Variants in INTS6 observed in about 807,000 individuals in gnomAD.
The protein encoded by INTS6 is DEAD box protein.
Under a neutral mutation model 104.9 loss-of-function variants are expected in INTS6, and 16 were observed. That is an observed-to-expected ratio of 0.15 (90% CI 0.10 to 0.23). The LOEUF (loss-of-function observed/expected upper bound fraction) is 0.23. Among genes scored for constraint, INTS6 ranks in the 10% least tolerant of loss-of-function variants. The pLI is 1.00. For synonymous variants in INTS6, 324 were observed against 358.7 expected, an observed-to-expected ratio of 0.90 and a Z score of 1.09; for missense variants, 584 against 1,062.8, an observed-to-expected ratio of 0.55 and a Z score of 6.26.
chr13:51,353,182 T>C (rs781338008), downstream of INTS6, among the ~76,000 whole-genome samples: 15 of 152,320 alleles, frequency 9.8e-5, no homozygotes, highest in Admixed American at 3.3e-4. Flanking sequence ...TTTATAGTCA[T>C]ATCTCACTTT....
At chr13:51,387,645 A>C (rs538559854) in intron 6 of INTS6, 105 bp from the exon 7 acceptor site, 1 of 893,760 alleles carries the variant, frequency 1.1e-6, no homozygotes, top group East Asian at 2.9e-5. Flanking sequence ...AAAATTCCTA[A>C]TATCTTTTTC....
At chr13:51,375,246 G>C (rs1366548144) in intron 13 of INTS6, among the ~76,000 whole-genome samples, 2 of 151,710 alleles carry the variant, frequency 1.3e-5, no homozygotes, top group Non-Finnish European at 1.5e-5. Flanking sequence ...CCAGCTACTA[G>C]GGAGGCTAAG....
intron 4 of INTS6, among the ~76,000 whole-genome samples, chr13:51,405,326 G>A (rs766878545): frequency 3.9e-5 from 6 of 152,094 alleles, no homozygotes; most frequent in Non-Finnish European, 2.9e-5. Flanking sequence ...GAGAAATAAC[G>A]TCCAGGGAAA....
chr13:51,346,940 T>C, the INTS6 span: 4 of 978,298 alleles, frequency 4.1e-6, no homozygotes, highest in African/African-American at 4.8e-5. Context: ...ATTTTAACTC[T>C]GCACTCCTTG....
At chr13:51,427,865 A>T (rs915169358) in intron 4 of INTS6, among the ~76,000 whole-genome samples, 1 of 152,210 alleles carries the variant, frequency 6.6e-6, no homozygotes. Context: ...CCCACAGGAA[A>T]ATCTTCCTAA....
chr13:51,451,843 A>C, intron 2 of INTS6, 135 bp downstream of exon 2: 7 of 501,222 alleles, frequency 1.4e-5, no homozygotes, highest in East Asian at 4.0e-5. Flanking sequence ...GCCCGCAGGG[A>C]AGAGACCTCA....
intron 4 of INTS6, among the ~76,000 whole-genome samples, chr13:51,428,411 A>C (rs61956952): frequency 6.9e-6 from 1 of 144,082 alleles, no homozygotes; most frequent in African/African-American, 2.6e-5. Context: ...TGCAACCTCC[A>C]CCTCCTGGGT....
chr13:51,408,857 A>G lies in INTS6; in HGVS notation c.430-13374T>C, dbSNP rs184945707. 5.0e-3 allele frequency among the ~76,000 whole-genome samples: 763 copies of G among 152,268 alleles called. 2 individuals carry two copies. The highest frequency in any genetic ancestry group is 8.2e-3 in the Non-Finnish European group (557 of 68,002). ...TAATCCTCCAACAAACCTAAAACCT[A>G]TAACTTAAATTCTAAGGTGTATCAT... On this transcript the variant is annotated intron_variant, in intron 4 of 17. Coordinates refer to ENST00000311234, the MANE Select transcript of INTS6 (RefSeq NM_012141.3).
chr13:51,343,390 G>A, the INTS6 span, among the ~76,000 whole-genome samples: 28 of 152,326 alleles, frequency 1.8e-4, no homozygotes, highest in East Asian at 5.0e-3. Context: ...GTGGGCAAGA[G>A]CCCTCGTTCC....
At position 51,378,285 on chromosome 13, in the gene INTS6, A is replaced by C; in HGVS notation, c.1556T>G (p.Leu519Arg). The change falls in exon 12 of 18, where the codon CTT becomes CGT. Residue 519 changes from leucine (L) to arginine (R), a missense_variant. Leu to Arg is a moderately radical substitution (Grantham distance 102, BLOSUM62 -2). This residue lies in a region of INTS6 where 74 missense variants were observed against 64.4 expected (regional missense o/e 1.15). Coordinates refer to ENST00000311234, the MANE Select transcript of INTS6 (RefSeq NM_012141.3). ...GAACCCAGTGTATTCCTTCATATTAAGGTCTAGCAGTCTGTGAGGGACATC... is the reference window on the plus strand; with the variant it reads ...GAACCCAGTGTATTCCTTCATATTACGGTCTAGCAGTCTGTGAGGGACATC... ...SEDVPHRLLD[L>R]NMKEYTGFQV... 6.2e-7 allele frequency: 1 copy of C among 1,613,422 alleles called. No individual in the cohort carries two copies. The highest frequency in any genetic ancestry group is 8.5e-7 in the Non-Finnish European group (1 of 1,179,450).
At chr13:51,385,439 C>T (rs1328795739) in intron 7 of INTS6, among the ~76,000 whole-genome samples, 1 of 152,218 alleles carries the variant, frequency 6.6e-6, no homozygotes, top group Non-Finnish European at 1.5e-5. Context: ...ACAAAACACA[C>T]TTATTCTGTG....
intron 13 of INTS6, among the ~76,000 whole-genome samples, chr13:51,375,569 T>G (rs898790481): frequency 2.6e-5 from 4 of 152,094 alleles, no homozygotes; most frequent in Non-Finnish European, 4.4e-5. Context: ...AAGTCTCATC[T>G]GACTTGATTT....
chr13:51,378,471 T>G lies in INTS6; in HGVS notation c.1387-17A>C. 6.5e-6 allele frequency: 10 copies of G among 1,527,390 alleles called. No individual in the cohort carries two copies. Among genetic ancestry groups the G allele is most frequent in the Non-Finnish European group, 9.1e-6 (10 of 1,103,714 alleles). 94.6% of individuals were successfully genotyped at this position (1,527,390 alleles called of 1,614,324 possible). A position where few individuals can be genotyped will look rare whatever the true frequency, so the allele number is the denominator to read the frequency against. ...TATTTTGGCCTAAAGTAAAAATAAGTCAGAATTATCTTGATAAAATCTAAA... is the reference window on the plus strand; with the variant it reads ...TATTTTGGCCTAAAGTAAAAATAAGGCAGAATTATCTTGATAAAATCTAAA... On this transcript the variant is annotated splice_polypyrimidine_tract_variant and intron_variant, in intron 11 of 17. Transcript: ENST00000311234.
At chr13:51,371,804 G>A (rs1026058180) in intron 15 of INTS6, among the ~76,000 whole-genome samples, 1 of 151,906 alleles carries the variant, frequency 6.6e-6, no homozygotes, top group African/African-American at 2.4e-5. Flanking sequence ...ACCTCACAGA[G>A]CTCGGAAGAA....
At chr13:51,428,695 T>C (rs369185311) in intron 4 of INTS6, among the ~76,000 whole-genome samples, 5 of 152,150 alleles carry the variant, frequency 3.3e-5, no homozygotes, top group Non-Finnish European at 7.4e-5. Flanking sequence ...AGGACCACAA[T>C]TGGCTGTACA....
rs545050070 is a variant in INTS6, at chr13:51,443,125, TC to T, written c.339+7899del. ...AAAATGTTATTAAATAATATACAAA[TC>T]CTTAATAAAATCTCCATAACTGTTC... On this transcript the variant is annotated intron_variant, in intron 3 of 17. Transcript: ENST00000311234. 45 of 152,298 alleles carry T rather than the reference TC, an allele frequency of 3.0e-4. No homozygotes were observed. In the East Asian group the frequency reaches 6.9e-3, roughly 23 times the overall value. 9.4% of individuals were successfully genotyped at this position (152,298 alleles called of 1,614,324 possible).
intron 4 of INTS6, among the ~76,000 whole-genome samples, chr13:51,405,308 G>A (rs1956541313): frequency 6.6e-6 from 1 of 152,120 alleles, no homozygotes; most frequent in Non-Finnish European, 1.5e-5. Flanking sequence ...TTTTAATATA[G>A]GGAGATAGAG....
At chr13:51,399,559 A>C (rs79875053) in intron 4 of INTS6, among the ~76,000 whole-genome samples, 1 of 152,160 alleles carries the variant, frequency 6.6e-6, no homozygotes, top group Non-Finnish European at 1.5e-5. Flanking sequence ...CTGGATATGA[A>C]TATGTTTACT....
chr13:51,341,054 T>A, the INTS6 span: 3 of 1,603,392 alleles, frequency 1.9e-6, no homozygotes, highest in Admixed American at 5.0e-5. Context: ...CTACCCTGCA[T>A]CTCTTCCCTC....
Sources: allele counts gnomAD v4.1 joint callset (sites outside exome capture counted in the v4.1 genomes callset), GRCh38; gene constraint gnomAD v4.1.1; regional missense constraint gnomAD v4.1.1; transcripts MANE v1.5; gene names NCBI Gene and HGNC (gene_info 2026-07-23, HGNC 2026-07-21).